The following MYO1E variants were observed in gnomAD, a reference collection of about 807,000 sequenced individuals.
The protein encoded by MYO1E is unconventional myosin-Ie.
A neutral mutation model predicts 151.1 loss-of-function variants in MYO1E; 68 were observed. That is an observed-to-expected ratio of 0.45 (90% CI 0.37 to 0.55). The LOEUF (loss-of-function observed/expected upper bound fraction) is 0.55. MYO1E is among the 20% of genes least tolerant of loss of function. The pLI is 0.00. For synonymous variants in MYO1E, 601 were observed against 501.7 expected (o/e 1.20, Z -2.64); for missense variants, 1,363 against 1,389.3 (o/e 0.98, Z 0.30).
At chr15:59,294,554 G>C (rs1358744613) in intron 1 of MYO1E, among the ~76,000 whole-genome samples, 1 of 152,202 alleles carries the variant, frequency 6.6e-6, no homozygotes, top group African/African-American at 2.4e-5. Context: ...GGAAATGCCA[G>C]TATCTTTGCC....
intron 3 of MYO1E, among the ~76,000 whole-genome samples, chr15:59,260,810 G>C (rs1325344007): frequency 6.6e-6 from 1 of 152,000 alleles, no homozygotes; most frequent in Non-Finnish European, 1.5e-5. Context: ...AGATTTTTGT[G>C]GCATATATGG....
chr15:59,307,900 A>C, intron 1 of MYO1E, among the ~76,000 whole-genome samples: 1 of 143,856 alleles, frequency 7.0e-6, no homozygotes, highest in African/African-American at 2.5e-5. Context: ...GTGAGCCACC[A>C]CGCCTGGCTC....
Position 59,253,238 on chromosome 15 carries a change from T to C in MYO1E, c.332+3046A>G, listed in dbSNP as rs187005119. ...TAATGGCAGTGAATCCAGTGTTTTG[T>C]CTAATTTTCCCACATAGTTTTTATT... On this transcript the variant is annotated intron_variant, in intron 4 of 27. Coordinates refer to ENST00000288235, the MANE Select transcript of MYO1E (RefSeq NM_004998.4). Among the ~76,000 whole-genome samples the C allele has an allele frequency of 3.3e-5, 5 of 152,374 alleles. No individual in the cohort carries two copies. The East Asian group carries it at 9.6e-4, about 29-fold the overall frequency.
At position 59,171,503 on chromosome 15, in the gene MYO1E, C is replaced by T. The variant is rs568243951; in HGVS notation, c.2480+394G>A. Among the ~76,000 whole-genome samples the T allele has an allele frequency of 1.8e-4, 28 of 152,312 alleles. 2 individuals carry two copies. In the South Asian group the frequency reaches 5.8e-3, roughly 32 times the overall value. On this transcript the variant is annotated intron_variant, in intron 22 of 27. Coordinates refer to ENST00000288235, the MANE Select transcript of MYO1E (RefSeq NM_004998.4). ...GAAACTTCCCTTTCAGGACCCTCTGCTCAGGGAAATGGGTGAGGCCTCCAA... is the reference window on the plus strand; with the variant it reads ...GAAACTTCCCTTTCAGGACCCTCTGTTCAGGGAAATGGGTGAGGCCTCCAA...
intron 7 of MYO1E, among the ~76,000 whole-genome samples, 178 bp downstream of exon 7, chr15:59,227,281 T>C (rs1171124831): frequency 6.6e-6 from 1 of 152,214 alleles, no homozygotes; most frequent in African/African-American, 2.4e-5. Context: ...ATCACTCCAA[T>C]TAGAACTCAC....
chr15:59,326,395 T>C (rs2140420276), intron 1 of MYO1E, among the ~76,000 whole-genome samples: 1 of 151,420 alleles, frequency 6.6e-6, no homozygotes, highest in East Asian at 1.9e-4. Flanking sequence ...TGGTGGAGCA[T>C]GCCTATAATC....
chr15:59,185,086 T>G (rs1417387739), intron 18 of MYO1E, among the ~76,000 whole-genome samples: 1 of 152,230 alleles, frequency 6.6e-6, no homozygotes, highest in African/African-American at 2.4e-5. Context: ...CATGTCTTTT[T>G]TTTGAGAAAT....
At chr15:59,324,663 G>GCACCC in intron 1 of MYO1E, among the ~76,000 whole-genome samples, 1 of 148,076 alleles carries the variant, frequency 6.8e-6, no homozygotes, top group East Asian at 2.0e-4. Context: ...CCCATCCCAA[G>GCACCC]CCCCCCCCCC....
chr15:59,345,784 T>C (rs1169547721), intron 1 of MYO1E, among the ~76,000 whole-genome samples: 2 of 152,218 alleles, frequency 1.3e-5, no homozygotes, highest in Non-Finnish European at 2.9e-5. Context: ...TCAGAGTCTC[T>C]AAGGCCTTCT....
Position 59,153,070 on chromosome 15 carries a change from C to T in MYO1E, c.3080+520G>A, listed in dbSNP as rs114150010. 8.4e-3 allele frequency among the ~76,000 whole-genome samples: 1,280 copies of T among 152,248 alleles called. 21 individuals are homozygous for T. Among genetic ancestry groups the T allele is most frequent in the African/African-American group, 0.029 (1,216 of 41,540 alleles). Reference sequence around the variant, plus strand: ...GAGTTTCAGGAATCTTCACTTCCTCCGGCTAAAAAGGCTGGGTTCTCTTCA... The same window carrying T: ...GAGTTTCAGGAATCTTCACTTCCTCTGGCTAAAAAGGCTGGGTTCTCTTCA... On this transcript the variant is annotated intron_variant, in intron 26 of 27. Transcript: ENST00000288235.
At chr15:59,140,222 A>G (rs1293788897) in intron 26 of MYO1E, among the ~76,000 whole-genome samples, 3 of 152,086 alleles carry the variant, frequency 2.0e-5, no homozygotes, top group Non-Finnish European at 4.4e-5. Context: ...CCTAATCCAG[A>G]TCTTCTAGCT....
rs541182888 is a variant in MYO1E, at chr15:59,245,259, G to C, written c.333-8587C>G. On this transcript the variant is annotated intron_variant, in intron 4 of 27. Transcript: ENST00000288235. Reference sequence around the variant, plus strand: ...AGACACCTGATGGTGCCACAGCAAAGAGCACGAGAGACCCACGAGCCAAAT... The same window carrying C: ...AGACACCTGATGGTGCCACAGCAAACAGCACGAGAGACCCACGAGCCAAAT... Among the ~76,000 whole-genome samples, 18 of 152,340 alleles carry C rather than the reference G, an allele frequency of 1.2e-4. No homozygotes were observed. The South Asian group carries it at 3.5e-3, about 30-fold the overall frequency.
intron 10 of MYO1E, among the ~76,000 whole-genome samples, chr15:59,215,880 AC>A (rs1596369724): frequency 6.6e-6 from 1 of 152,046 alleles, no homozygotes; most frequent in East Asian, 1.9e-4. Flanking sequence ...AGGCTGCACC[AC>A]CCCCTTGCTG....
chr15:59,251,282 A>G (rs968159062), intron 4 of MYO1E, among the ~76,000 whole-genome samples: 6 of 152,330 alleles, frequency 3.9e-5, no homozygotes, highest in Admixed American at 2.0e-4. Flanking sequence ...AGAAAATCCA[A>G]CTGAAGGAAT....
intron 4 of MYO1E, among the ~76,000 whole-genome samples, chr15:59,254,913 C>A (rs1450748496): frequency 6.6e-6 from 1 of 151,856 alleles, no homozygotes; most frequent in African/African-American, 2.4e-5. Flanking sequence ...GCAGCTTCCG[C>A]CTCCTGGGTT....
intron 16 of MYO1E, among the ~76,000 whole-genome samples, chr15:59,196,986 CTTTTT>C (rs71977305): frequency 8.3e-4 from 59 of 71,508 alleles, no homozygotes; most frequent in Admixed American, 3.8e-3. Flanking sequence ...TTAATTACGA[CTTTTT>C]TTTTTTTTTT....
chr15:59,258,445 T>C (rs1265835427), intron 3 of MYO1E, among the ~76,000 whole-genome samples: 3 of 152,252 alleles, frequency 2.0e-5, no homozygotes, highest in Non-Finnish European at 4.4e-5. Flanking sequence ...TTGCCTTATT[T>C]GAACACAGTT....
At position 59,207,379 on chromosome 15, in the gene MYO1E, G is replaced by T. The variant is rs750207330; in HGVS notation, c.1530+1302C>A. The T allele has an allele frequency of 6.2e-6, 10 of 1,614,066 alleles. No individual in the cohort carries two copies. The Middle Eastern group carries it at 5.0e-4, about 80-fold the overall frequency. ...CAACCTAGTGATTATCACAGCAGGT[G>T]CACGCCAAGAAAAGGGAGAAACGCG... On this transcript the variant is annotated intron_variant, in intron 14 of 27. Transcript: ENST00000288235.
chr15:59,300,433 T>C (rs1397626172), intron 1 of MYO1E, among the ~76,000 whole-genome samples: 2 of 152,166 alleles, frequency 1.3e-5, no homozygotes, highest in African/African-American at 4.8e-5. Flanking sequence ...AAGATACTTC[T>C]AGAGGCTTAG....
Sources: gnomAD v4.1 joint callset for allele counts (sites outside exome capture counted in the v4.1 genomes callset) on GRCh38, gnomAD v4.1.1 for gene constraint, MANE v1.5 for transcripts, NCBI Gene and HGNC (gene_info 2026-07-23, HGNC 2026-07-21) for gene names.